STAC: variants seen among roughly 807,000 people sequenced by gnomAD.
STAC encodes SH3 and cysteine rich domain.
STAC carries 43 observed loss-of-function variants against 48.8 expected under a neutral mutation model. The observed-to-expected ratio is 0.88, with a 90% CI of 0.69 to 1.14. The LOEUF is 1.14. STAC is among the 50% of genes most tolerant of loss of function. STAC has a pLI of 0.00. For missense variants in STAC, 497 were observed against 504.0 expected (o/e 0.99, Z 0.13); for synonymous variants, 193 against 179.5 (o/e 1.07, Z -0.60).
At chr3:36,524,177 C>T (rs1378560838) in intron 8 of STAC, among the ~76,000 whole-genome samples, 4 of 152,074 alleles carry the variant, frequency 2.6e-5, no homozygotes, top group African/African-American at 9.7e-5. Context: ...CAGAGTGGCC[C>T]AGAGTACAAG....
At chr3:36,541,010 C>CAACCCA (rs1699310882) in intron 10 of STAC, among the ~76,000 whole-genome samples, 1 of 152,266 alleles carries the variant, frequency 6.6e-6, no homozygotes, top group Non-Finnish European at 1.5e-5. Flanking sequence ...GTTGATAATT[C>CAACCCA]AGTGGCTTGA....
chr3:36,468,285 T>C (rs1392442840), intron 2 of STAC, among the ~76,000 whole-genome samples: 1 of 152,060 alleles, frequency 6.6e-6, no homozygotes, highest in African/African-American at 2.4e-5. Flanking sequence ...TTAATTTTCT[T>C]AAATTTACTG....
At chr3:36,508,746 T>C (rs4425209) in intron 8 of STAC, among the ~76,000 whole-genome samples, 16,913 of 152,014 alleles carry the variant, frequency 0.11, 1,152 homozygotes, top group East Asian at 0.3. Context: ...CAACTCCTGC[T>C]TTTTTTTCTT....
At chr3:36,386,222 GA>G (rs1251108565) in intron 1 of STAC, among the ~76,000 whole-genome samples, 2 of 151,940 alleles carry the variant, frequency 1.3e-5, no homozygotes, top group African/African-American at 4.8e-5. Flanking sequence ...TTTCCCCAAT[GA>G]CTAATAAGCT....
chr3:36,459,742 A>C (rs7648811), intron 2 of STAC, among the ~76,000 whole-genome samples: 20,655 of 152,180 alleles, frequency 0.14, 1,590 homozygotes, highest in African/African-American at 0.21. Flanking sequence ...TATCTTGGCA[A>C]AACCAGAAAA....
intron 10 of STAC, among the ~76,000 whole-genome samples, chr3:36,541,164 C>T (rs1699315545): frequency 6.6e-6 from 1 of 151,726 alleles, no homozygotes; most frequent in Admixed American, 6.6e-5. Context: ...TAAGGCATCT[C>T]TTTTAATAGG....
chr3:36,530,580 C>CTTTTTTTT (rs775751742), intron 10 of STAC, among the ~76,000 whole-genome samples: 3 of 102,700 alleles, frequency 2.9e-5, no homozygotes, highest in Non-Finnish European at 3.7e-5. Context: ...TTCACCTTTT[C>CTTTTTTTT]TTTTTTTTTT....
At chr3:36,508,483 TTC>T (rs1455079447) in intron 8 of STAC, among the ~76,000 whole-genome samples, 2 of 152,210 alleles carry the variant, frequency 1.3e-5, no homozygotes, top group Non-Finnish European at 2.9e-5. Flanking sequence ...CTTGTTAATT[TTC>T]TGTCTCATTG....
chr3:36,432,040 T>A (rs1421026929), intron 1 of STAC, among the ~76,000 whole-genome samples: 1 of 152,250 alleles, frequency 6.6e-6, no homozygotes, highest in African/African-American at 2.4e-5. Context: ...CTGAAGGTGA[T>A]AACAATCATC....
chr3:36,493,457 T>C lies in STAC; in HGVS notation c.766+228T>C, dbSNP rs533219776. ...CCTGAGTTCTCATACTTTATGAGAGTATATTTACTCTTATGAGAGTATATA... is the reference window on the plus strand; with the variant it reads ...CCTGAGTTCTCATACTTTATGAGAGCATATTTACTCTTATGAGAGTATATA... On this transcript the variant is annotated intron_variant, in intron 6 of 10. Coordinates refer to ENST00000273183, the MANE Select transcript of STAC (RefSeq NM_003149.3). Among the ~76,000 whole-genome samples, 5 of 151,286 alleles carry C rather than the reference T, an allele frequency of 3.3e-5. No individual in the cohort carries two copies. The East Asian group carries it at 9.8e-4, about 30-fold the overall frequency.
At chr3:36,517,646 CCTAT>C (rs34723998) in intron 8 of STAC, among the ~76,000 whole-genome samples, 18,158 of 151,704 alleles carry the variant, frequency 0.12, 1,252 homozygotes, top group Middle Eastern at 0.18. Flanking sequence ...AGAGCTAGAC[CCTAT>C]CTATCTATCT....
intron 1 of STAC, among the ~76,000 whole-genome samples, chr3:36,439,639 C>G (rs1696275206): frequency 1.3e-5 from 2 of 152,192 alleles, no homozygotes; most frequent in Admixed American, 1.3e-4. Context: ...AAACTCCAGT[C>G]TTACCTCCTG....
chr3:36,515,875 T>C (rs1294240797), intron 8 of STAC, among the ~76,000 whole-genome samples: 8 of 151,688 alleles, frequency 5.3e-5, no homozygotes, highest in Non-Finnish European at 1.2e-4. Flanking sequence ...CCTGGGGAGA[T>C]ATGTGGCCTT....
chr3:36,523,133 A>C (rs1698846432), intron 8 of STAC, among the ~76,000 whole-genome samples: 1 of 152,254 alleles, frequency 6.6e-6, no homozygotes, highest in Admixed American at 6.5e-5. Context: ...AAGTACACAC[A>C]CACTCAAAAT....
intron 2 of STAC, among the ~76,000 whole-genome samples, chr3:36,474,440 G>C (rs1486870044): frequency 6.6e-6 from 1 of 152,132 alleles, no homozygotes; most frequent in African/African-American, 2.4e-5. Context: ...ACCCACAGAT[G>C]CCCTTTCACT....
Position 36,432,986 on chromosome 3 carries a change from A to T in STAC, c.112-10378A>T, listed in dbSNP as rs538111490. Among the ~76,000 whole-genome samples, 9 of 152,334 alleles carry T rather than the reference A, an allele frequency of 5.9e-5. No homozygotes were observed. In the South Asian group the frequency reaches 1.9e-3, roughly 32 times the overall value. On this transcript the variant is annotated intron_variant, in intron 1 of 10. Coordinates refer to ENST00000273183, the MANE Select transcript of STAC (RefSeq NM_003149.3). Reference sequence around the variant, plus strand: ...TTGGTAGTAAATTAATATAATTACTATGTACCAGTCACTGTGCTTCCTGTT... The same window carrying T: ...TTGGTAGTAAATTAATATAATTACTTTGTACCAGTCACTGTGCTTCCTGTT...
At chr3:36,448,457 G>A (rs1347303039) in intron 2 of STAC, among the ~76,000 whole-genome samples, 1 of 152,084 alleles carries the variant, frequency 6.6e-6, no homozygotes, top group African/African-American at 2.4e-5. Context: ...CTGACCTCAA[G>A]TGATCTGCCC....
chr3:36,413,591 C>T (rs58344894), intron 1 of STAC, among the ~76,000 whole-genome samples: 3,507 of 152,094 alleles, frequency 0.023, 59 homozygotes, highest in East Asian at 0.026. Flanking sequence ...ATGGGTTTCC[C>T]GAATACAGCA....
intron 2 of STAC, among the ~76,000 whole-genome samples, chr3:36,448,960 T>C (rs995381746): frequency 6.8e-6 from 1 of 147,012 alleles, no homozygotes; most frequent in Admixed American, 6.8e-5. Flanking sequence ...TAAAATTAAA[T>C]AGAATAAAGT....
Sources: allele counts gnomAD v4.1 joint callset (sites outside exome capture counted in the v4.1 genomes callset), GRCh38; gene constraint gnomAD v4.1.1; transcripts MANE v1.5; gene names NCBI Gene and HGNC (gene_info 2026-07-23, HGNC 2026-07-21).